The following TDRD7 variants were observed in gnomAD, a reference collection of about 807,000 sequenced individuals.
TDRD7 encodes tudor domain-containing protein 7.
A neutral mutation model predicts 109.8 loss-of-function variants in TDRD7; 47 were observed. The observed-to-expected ratio is 0.43, with a 90% CI of 0.34 to 0.55. The LOEUF is 0.55. TDRD7 is among the 20% of genes least tolerant of loss of function. TDRD7 has a pLI of 0.03. For synonymous variants in TDRD7, 424 were observed against 457.3 expected, an observed-to-expected ratio of 0.93 and a Z score of 0.93; for missense variants, 1,164 against 1,319.2, an observed-to-expected ratio of 0.88 and a Z score of 1.82.
chr9:97,468,690 C>T lies in TDRD7; in HGVS notation c.1630-1868C>T, dbSNP rs146576302. On this transcript the variant is annotated intron_variant, in intron 8 of 16. Transcript: ENST00000355295. The stretch of plus-strand genomic sequence containing the variant: ...AGGAGAAACAGGAGATGTGGTCACC[C>T]GCTGAGGCTGGTGCCAGTTTGGCCT... Among the ~76,000 whole-genome samples, 111 of 152,342 alleles carry T rather than the reference C, an allele frequency of 7.3e-4. 2 individuals are homozygous for T. The highest frequency in any genetic ancestry group is 4.2e-3 in the East Asian group (22 of 5,190).
At chr9:97,426,016 C>T (rs761027233) in intron 1 of TDRD7, among the ~76,000 whole-genome samples, 4 of 152,022 alleles carry the variant, frequency 2.6e-5, no homozygotes, top group Non-Finnish European at 4.4e-5. Flanking sequence ...GGTAAGTATT[C>T]GTGTATCTAA....
intron 15 of TDRD7, 38 bp from the exon 16 acceptor site, chr9:97,487,133 AT>A: frequency 6.2e-7 from 1 of 1,608,816 alleles, no homozygotes; most frequent in Non-Finnish European, 8.5e-7. Context: ...TACTGAGTTT[AT>A]GTGTTTTCTC....
At chr9:97,493,257 A>G (rs944999458) in intron 16 of TDRD7, among the ~76,000 whole-genome samples, 2 of 152,008 alleles carry the variant, frequency 1.3e-5, no homozygotes, top group East Asian at 1.9e-4. Flanking sequence ...GTTCTTTTCT[A>G]TTTTCCCTAA....
intron 1 of TDRD7, among the ~76,000 whole-genome samples, chr9:97,415,842 A>G (rs1363597634): frequency 1.3e-5 from 2 of 152,250 alleles, no homozygotes; most frequent in Non-Finnish European, 2.9e-5. Flanking sequence ...TTTTATAGTT[A>G]GAACAAAGTA....
chr9:97,457,725 A>C (rs112649359), intron 6 of TDRD7, among the ~76,000 whole-genome samples: 10 of 152,292 alleles, frequency 6.6e-5, no homozygotes, highest in African/African-American at 2.4e-4. Context: ...AAAGACATGG[A>C]ACCAACCAAA....
chr9:97,441,931 T>A, intron 6 of TDRD7, 56 bp downstream of exon 6: 2 of 1,431,982 alleles, frequency 1.4e-6, no homozygotes. Context: ...AACTTTGAGA[T>A]CTTGAGTTAT....
rs1053724310 is a variant in TDRD7, at chr9:97,432,335, C to T, written c.563+97C>T. 8 of 1,111,798 alleles carry T rather than the reference C, an allele frequency of 7.2e-6. No individual in the cohort carries two copies. The East Asian group carries it at 9.7e-5, about 14-fold the overall frequency. The allele number at this position is 1,111,798 out of a possible 1,614,324, so 68.9% of individuals were successfully genotyped here. On this transcript the variant is annotated intron_variant, in intron 4 of 16. Transcript: ENST00000355295. The stretch of plus-strand genomic sequence containing the variant: ...AAGAAAGAAACACTTTCTATTTTAT[C>T]TAAGTTCACATATAGTAGAGACATG...
chr9:97,432,778 C>T (rs890168827), intron 4 of TDRD7, among the ~76,000 whole-genome samples: 1 of 152,152 alleles, frequency 6.6e-6, no homozygotes, highest in Admixed American at 6.5e-5. Context: ...AAATGTTAAA[C>T]GAGATGATCT....
At chr9:97,441,228 A>T (rs944109082) in intron 5 of TDRD7, among the ~76,000 whole-genome samples, 1 of 152,174 alleles carries the variant, frequency 6.6e-6, no homozygotes, top group African/African-American at 2.4e-5. Flanking sequence ...TCAAAAAGTT[A>T]TTTGATCTGT....
intron 6 of TDRD7, among the ~76,000 whole-genome samples, chr9:97,452,131 T>G (rs949038956): frequency 6.6e-6 from 1 of 152,186 alleles, no homozygotes; most frequent in African/African-American, 2.4e-5. Context: ...GGAGGATCAC[T>G]TGAGCCCAGG....
Position 97,439,240 on chromosome 9 carries a change from C to A in TDRD7, c.564-5C>A. 1.9e-6 allele frequency: 3 copies of A among 1,552,674 alleles called. No homozygotes were observed. Among genetic ancestry groups the A allele is most frequent in the Non-Finnish European group, 1.7e-6 (2 of 1,155,612 alleles). Reference sequence around the variant, plus strand: ...ATTTTACTTTTTTTTTTTTTAATATCTTAGGTTTAGCCCAAAGGCGTCCCT... The same window carrying A: ...ATTTTACTTTTTTTTTTTTTAATATATTAGGTTTAGCCCAAAGGCGTCCCT... On this transcript the variant is annotated splice_region_variant and splice_polypyrimidine_tract_variant and intron_variant, in intron 4 of 16. Transcript: ENST00000355295.
intron 2 of TDRD7, among the ~76,000 whole-genome samples, chr9:97,430,652 A>C (rs1564195847): frequency 6.6e-6 from 1 of 152,178 alleles, no homozygotes; most frequent in Non-Finnish European, 1.5e-5. Context: ...TCATTTGGTA[A>C]TCTCATAGTA....
intron 6 of TDRD7, among the ~76,000 whole-genome samples, chr9:97,447,628 C>T (rs180736598): frequency 1.3e-5 from 2 of 152,242 alleles, no homozygotes; most frequent in Admixed American, 6.5e-5. Context: ...AAAATAAACT[C>T]CAAGCCAAAG....
chr9:97,469,029 T>C (rs1370025905), intron 8 of TDRD7, among the ~76,000 whole-genome samples: 1 of 152,234 alleles, frequency 6.6e-6, no homozygotes, highest in Non-Finnish European at 1.5e-5. Flanking sequence ...AAACACTTTC[T>C]TTTGAGGCTT....
At chr9:97,460,822 C>G in intron 7 of TDRD7, 58 bp downstream of exon 7, 1 of 1,473,538 alleles carries the variant, frequency 6.8e-7, no homozygotes. Context: ...CTTGTCTATT[C>G]TTCACATGGA....
intron 6 of TDRD7, among the ~76,000 whole-genome samples, chr9:97,450,716 T>C (rs1828475810): frequency 6.6e-6 from 1 of 152,154 alleles, no homozygotes; most frequent in Non-Finnish European, 1.5e-5. Flanking sequence ...GCCAGAAAAT[T>C]AAAAAGAGGT....
At chr9:97,446,187 A>G (rs1008486382) in intron 6 of TDRD7, among the ~76,000 whole-genome samples, 3 of 152,060 alleles carry the variant, frequency 2.0e-5, no homozygotes, top group African/African-American at 7.2e-5. Flanking sequence ...GAAAATTTCT[A>G]CTCTCTGAAA....
At chr9:97,491,081 A>C (rs1829302042) in intron 16 of TDRD7, among the ~76,000 whole-genome samples, 1 of 151,662 alleles carries the variant, frequency 6.6e-6, no homozygotes, top group Non-Finnish European at 1.5e-5. Context: ...ACACCTGGCT[A>C]ATTTTTGTAT....
chr9:97,494,212 T>TTA (rs1829356601), intron 16 of TDRD7, among the ~76,000 whole-genome samples: 2 of 152,256 alleles, frequency 1.3e-5, no homozygotes, highest in Non-Finnish European at 2.9e-5. Flanking sequence ...TTTGGGGAAC[T>TTA]AATAAATGTC....
Sources: gnomAD v4.1 joint callset for allele counts (sites outside exome capture counted in the v4.1 genomes callset) on GRCh38, gnomAD v4.1.1 for gene constraint, MANE v1.5 for transcripts, NCBI Gene and HGNC (gene_info 2026-07-23, HGNC 2026-07-21) for gene names.